Variants in ANTKMT observed in about 807,000 individuals in gnomAD.
The protein encoded by ANTKMT is adenine nucleotide translocase lysine methyltransferase, also known as adenine nucleotide translocase lysine N-methyltransferase.
Under a neutral mutation model 20.7 loss-of-function variants are expected in ANTKMT, and 24 were observed. That is an observed-to-expected ratio of 1.16 (90% CI 0.84 to 1.63). ANTKMT has a LOEUF of 1.63. Among genes scored for constraint, ANTKMT ranks in the 40% most tolerant of loss-of-function variants. The pLI is 0.00. For synonymous variants in ANTKMT, 193 were observed against 161.2 expected (o/e 1.20, Z -1.49); for missense variants, 428 against 334.8 (o/e 1.28, Z -2.17).
chr16:721,328 G>A lies in ANTKMT; in HGVS notation c.54G>A (p.Leu18=), dbSNP rs1350240260. ...EALTELRERR[L]GALELLQAAA... is the part of the protein sequence containing the mutation. ...TGACGGAGCTGCGCGAGCGGCGGCT[G>A]GGCGCGCTGGAGCTGCTGCAGGCGG... The change falls in exon 1 of 5, where the codon CTG becomes CTA. Residue 18 remains leucine, a synonymous_variant. Coordinates refer to ENST00000569529, the MANE Select transcript of ANTKMT (RefSeq NM_023933.3). 1.5e-6 allele frequency: 2 copies of A among 1,351,290 alleles called. No homozygotes were observed. The highest frequency in any genetic ancestry group is 3.2e-5 in the East Asian group (1 of 31,070). The allele number at this position is 1,351,290 out of a possible 1,614,324, so 83.7% of individuals were successfully genotyped here. A position where few individuals can be genotyped will look rare whatever the true frequency, so the allele number is the denominator to read the frequency against.
In ANTKMT at chr16:721,445, CG is replaced by C; in HGVS notation, c.162+13del. ...TGCCGCTGCGGCTGCAGGTGCGGGGCGGGGCCAGGCCGGGCAGGGGAGCTCG... is the reference window on the plus strand; with the variant it reads ...TGCCGCTGCGGCTGCAGGTGCGGGGCGGGCCAGGCCGGGCAGGGGAGCTCG... On this transcript the variant is annotated intron_variant, in intron 1 of 4. Transcript: ENST00000569529. 7.6e-7 allele frequency: 1 copy of C among 1,321,052 alleles called. No homozygotes were observed. The highest frequency in any genetic ancestry group is 9.6e-7 in the Non-Finnish European group (1 of 1,042,384). 81.8% of individuals were successfully genotyped at this position (1,321,052 alleles called of 1,614,324 possible).
chr16:721,398 C>G lies in ANTKMT; in HGVS notation c.124C>G (p.Leu42Val). The change falls in exon 1 of 5, where the codon CTC becomes GTC. Residue 42 changes from leucine (L) to valine (V), a missense_variant. Transcript: ENST00000569529. ...LAAYAVWALL[L>V]QPGFRRVPLR... ...AGCCTACGCGGTGTGGGCGCTGCTGCTCCAGCCCGGCTTCCGGCGCGTGCC... is the reference window on the plus strand; with the variant it reads ...AGCCTACGCGGTGTGGGCGCTGCTGGTCCAGCCCGGCTTCCGGCGCGTGCC... 3.1e-6 allele frequency: 4 copies of G among 1,298,826 alleles called. No individual in the cohort carries two copies. Among genetic ancestry groups the G allele is most frequent in the Non-Finnish European group, 3.9e-6 (4 of 1,030,066 alleles). The allele number at this position is 1,298,826 out of a possible 1,614,324, so 80.5% of individuals were successfully genotyped here.
At position 721,237 on chromosome 16, in the gene ANTKMT, GA is replaced by G; in HGVS notation, c.-36del. On this transcript the variant is annotated 5_prime_UTR_variant, in exon 1 of 5. Coordinates refer to ENST00000569529, the MANE Select transcript of ANTKMT (RefSeq NM_023933.3). ...TGCGAGGGCCGCGGACCCGAGCCGGGAAGGACCTTGGGCGGACGAGCCGCGC... is the reference window on the plus strand; with the variant it reads ...TGCGAGGGCCGCGGACCCGAGCCGGGAGGACCTTGGGCGGACGAGCCGCGC... 1 of 1,236,234 alleles carries G rather than the reference GA, an allele frequency of 8.1e-7. No homozygotes were observed. The highest frequency in any genetic ancestry group is 3.0e-5 in the South Asian group (1 of 33,226). The allele number at this position is 1,236,234 out of a possible 1,614,324, so 76.6% of individuals were successfully genotyped here. A position where few individuals can be genotyped will look rare whatever the true frequency, so the allele number is the denominator to read the frequency against.
rs1313022503 is a variant in ANTKMT, at chr16:722,462, G to T, written c.613G>T (p.Ala205Ser). Residue 205 changes from alanine to serine, a missense_variant, in exon 5 of 5, where the codon GCT (alanine) becomes TCT (serine). Coordinates refer to ENST00000569529, the MANE Select transcript of ANTKMT (RefSeq NM_023933.3). ...WAYDVPEGGQ[A>S]GEAASSRIPI... The stretch of plus-strand genomic sequence containing the variant: ...TTATGATGTTCCTGAGGGTGGGCAG[G>T]CTGGGGAGGCCGCCTCCTCGCGGAT... 1.2e-6 allele frequency: 2 copies of T among 1,611,680 alleles called. No homozygotes were observed. The highest frequency in any genetic ancestry group is 1.7e-6 in the Non-Finnish European group (2 of 1,179,578).
In ANTKMT at chr16:721,376, C is replaced by T. The variant is rs2040222551; in HGVS notation, c.102C>T (p.Ala34=). 6 of 1,323,564 alleles carry T rather than the reference C, an allele frequency of 4.5e-6. No individual in the cohort carries two copies. The highest frequency in any genetic ancestry group is 2.0e-5 in the South Asian group (1 of 50,468). The allele number at this position is 1,323,564 out of a possible 1,614,324, so 82.0% of individuals were successfully genotyped here. The part of the protein sequence containing the change: ...LQAAAGSGLA[A]YAVWALLLQP... Reference sequence around the variant, plus strand: ...CGGCGGCCGGCTCGGGCTTGGCAGCCTACGCGGTGTGGGCGCTGCTGCTCC... The same window carrying T: ...CGGCGGCCGGCTCGGGCTTGGCAGCTTACGCGGTGTGGGCGCTGCTGCTCC... The change falls in exon 1 of 5, where the codon GCC becomes GCT. Residue 34 remains alanine, a synonymous_variant. Coordinates refer to ENST00000569529, the MANE Select transcript of ANTKMT (RefSeq NM_023933.3).
In ANTKMT at chr16:721,429, G is replaced by A. The variant is rs2040224242; in HGVS notation, c.155G>A (p.Arg52Gln). The change falls in exon 1 of 5, where the codon CGG (arginine) becomes CAG (glutamine). Residue 52 changes from arginine (R) to glutamine (Q), a missense_variant. Coordinates refer to ENST00000569529, the MANE Select transcript of ANTKMT (RefSeq NM_023933.3). ...LQPGFRRVPL[R>Q]LQVPYVGASA... ...CCCGGCTTCCGGCGCGTGCCGCTGC[G>A]GCTGCAGGTGCGGGGCGGGGCCAGG... The A allele has an allele frequency of 7.7e-6, 10 of 1,299,578 alleles. No individual in the cohort carries two copies. In the South Asian group the frequency reaches 1.7e-4, roughly 22 times the overall value. 80.5% of individuals were successfully genotyped at this position (1,299,578 alleles called of 1,614,324 possible).
chr16:721,168 TC>T lies in ANTKMT; in HGVS notation c.-104del. On this transcript the variant is annotated 5_prime_UTR_variant, in exon 1 of 5. Coordinates refer to ENST00000569529, the MANE Select transcript of ANTKMT (RefSeq NM_023933.3). ...GCCACTTCCGGTGTCGCGCGGCGGC[TC>T]CCGGCAGGAGGCAGAGGGCACACCG... 1 of 1,122,562 alleles carries T rather than the reference TC, an allele frequency of 8.9e-7. No homozygotes were observed. The highest frequency in any genetic ancestry group is 1.1e-6 in the Non-Finnish European group (1 of 899,156). 69.5% of individuals were successfully genotyped at this position (1,122,562 alleles called of 1,614,324 possible).
rs1041237575 is a variant in ANTKMT, at chr16:722,312, C to T, written c.463C>T (p.Pro155Ser). Residue 155 changes from proline (P) to serine (S), a missense_variant, in exon 5 of 5, where the codon CCG becomes TCG. By Grantham distance (74) the Pro-to-Ser change is moderately conservative. Coordinates refer to ENST00000569529, the MANE Select transcript of ANTKMT (RefSeq NM_023933.3). Reference sequence around the variant, plus strand: ...ACTCTGCTGTTCTCTCCCTCAGCTCCCGCTGCTGGAGGACAAGCTGCGGAC... The same window carrying T: ...ACTCTGCTGTTCTCTCCCTCAGCTCTCGCTGCTGGAGGACAAGCTGCGGAC... ...VSVFLAPSVLPLLEDKLRTEL... is the reference protein window; with the variant it reads ...VSVFLAPSVLSLLEDKLRTEL... The T allele has an allele frequency of 1.1e-5, 17 of 1,608,222 alleles. No homozygotes were observed. In the Admixed American group the frequency reaches 1.2e-4, roughly 11 times the overall value.
At position 722,294 on chromosome 16, in the gene ANTKMT, T is replaced by G; in HGVS notation, c.460-15T>G. On this transcript the variant is annotated splice_polypyrimidine_tract_variant and intron_variant, in intron 4 of 4. Transcript: ENST00000569529. ...CCCGCCCCCGCCCCCTCTACTCTGC[T>G]GTTCTCTCCCTCAGCTCCCGCTGCT... 1 of 1,602,190 alleles carries G rather than the reference T, an allele frequency of 6.2e-7. No individual in the cohort carries two copies. Among genetic ancestry groups the G allele is most frequent in the South Asian group, 1.1e-5 (1 of 89,954 alleles).
chr16:721,998 G>A (rs1220167036), intron 3 of ANTKMT, 57 bp downstream of exon 3: 6 of 1,551,460 alleles, frequency 3.9e-6, no homozygotes, highest in African/African-American at 1.4e-5. Flanking sequence ...TGACACCTGC[G>A]AGGGCTGGGG....
chr16:721,215 G>T lies in ANTKMT; in HGVS notation c.-60G>T. On this transcript the variant is annotated 5_prime_UTR_variant, in exon 1 of 5. Transcript: ENST00000569529. ...CACCGCCAGCCCCAGGCCAGGCTGC[G>T]AGGGCCGCGGACCCGAGCCGGGAAG... is the stretch of plus-strand genomic sequence containing the variant. The T allele has an allele frequency of 8.2e-7, 1 of 1,212,722 alleles. No homozygotes were observed. Among genetic ancestry groups the T allele is most frequent in the Non-Finnish European group, 1.0e-6 (1 of 974,716 alleles). 75.1% of individuals were successfully genotyped at this position (1,212,722 alleles called of 1,614,324 possible).
Position 722,349 on chromosome 16 carries a change from C to T in ANTKMT, c.500C>T (p.Ala167Val). The part of the protein sequence containing the change: ...LEDKLRTELP[A>V]GARVVSGRFP... ...GACAAGCTGCGGACAGAGCTGCCTGCTGGGGCCCGCGTGGTGTCTGGGCGC... is the reference window on the plus strand; with the variant it reads ...GACAAGCTGCGGACAGAGCTGCCTGTTGGGGCCCGCGTGGTGTCTGGGCGC... The change falls in exon 5 of 5, where the codon GCT becomes GTT. Residue 167 changes from alanine (A) to valine (V), a missense_variant. Physicochemically the swap from Ala to Val is moderately conservative, Grantham distance 64. Transcript: ENST00000569529. 1 of 1,607,688 alleles carries T rather than the reference C, an allele frequency of 6.2e-7. No homozygotes were observed. The highest frequency in any genetic ancestry group is 8.5e-7 in the Non-Finnish European group (1 of 1,177,782).
At position 721,441 on chromosome 16, in the gene ANTKMT, G is replaced by A. The variant is rs565015923; in HGVS notation, c.162+5G>A. The A allele has an allele frequency of 1.5e-3, 2,000 of 1,307,414 alleles. 5 individuals carry two copies. The highest frequency in any genetic ancestry group is 1.7e-3 in the Non-Finnish European group (1,779 of 1,034,866). 81.0% of individuals were successfully genotyped at this position (1,307,414 alleles called of 1,614,324 possible). A position where few individuals can be genotyped will look rare whatever the true frequency, so the allele number is the denominator to read the frequency against. On this transcript the variant is annotated splice_donor_5th_base_variant and intron_variant, in intron 1 of 4. Coordinates refer to ENST00000569529, the MANE Select transcript of ANTKMT (RefSeq NM_023933.3). ...CGCGTGCCGCTGCGGCTGCAGGTGC[G>A]GGGCGGGGCCAGGCCGGGCAGGGGA...
Position 721,366 on chromosome 16 carries a change from G to A in ANTKMT, c.92G>A (p.Gly31Asp). The A allele has an allele frequency of 7.5e-7, 1 of 1,333,434 alleles. No individual in the cohort carries two copies. The highest frequency in any genetic ancestry group is 1.9e-5 in the South Asian group (1 of 52,930). The allele number at this position is 1,333,434 out of a possible 1,614,324, so 82.6% of individuals were successfully genotyped here. ...CTGCTGCAGGCGGCGGCCGGCTCGG[G>A]CTTGGCAGCCTACGCGGTGTGGGCG... ...LELLQAAAGS[G>D]LAAYAVWALL... Residue 31 changes from glycine to aspartate, a missense_variant, in exon 1 of 5, where the codon GGC becomes GAC. By Grantham distance (94) the Gly-to-Asp change is moderately conservative. Transcript: ENST00000569529.
chr16:722,267 GC>G, intron 4 of ANTKMT, 41 bp from the exon 5 acceptor site: 2 of 1,591,798 alleles, frequency 1.3e-6, no homozygotes, highest in Admixed American at 1.7e-5. Flanking sequence ...TTTTCTACCG[GC>G]CCCGCCCCCG....
In ANTKMT at chr16:722,369, G is replaced by C. The variant is rs763324614; in HGVS notation, c.520G>C (p.Gly174Arg). ...ELPAGARVVS[G>R]RFPLPTWQPV... Reference sequence around the variant, plus strand: ...GCCTGCTGGGGCCCGCGTGGTGTCTGGGCGCTTCCCACTCCCCACCTGGCA... The same window carrying C: ...GCCTGCTGGGGCCCGCGTGGTGTCTCGGCGCTTCCCACTCCCCACCTGGCA... Residue 174 changes from glycine (G) to arginine (R), a missense_variant, in exon 5 of 5, where the codon GGG becomes CGG. By Grantham distance (125) the Gly-to-Arg change is moderately radical (BLOSUM62 -2). Coordinates refer to ENST00000569529, the MANE Select transcript of ANTKMT (RefSeq NM_023933.3). 2.5e-6 allele frequency: 4 copies of C among 1,604,506 alleles called. No individual in the cohort carries two copies. The highest frequency in any genetic ancestry group is 2.6e-6 in the Non-Finnish European group (3 of 1,176,168).
At position 721,667 on chromosome 16, in the gene ANTKMT, A is replaced by G; in HGVS notation, c.232A>G (p.Lys78Glu). Residue 78 changes from lysine to glutamate, a missense_variant, in exon 2 of 5, where the codon AAA (lysine) becomes GAA (glutamate). Physicochemically the swap from Lys to Glu is moderately conservative, Grantham distance 56. Transcript: ENST00000569529. ...GTCGCTGCTGCGAGGACGCCCCGGA[A>G]AAACGGTGGATCTGGGCTCTGGCGA... The part of the protein sequence containing the change: ...VLSLLRGRPG[K>E]TVDLGSGDGR... 3 of 1,550,998 alleles carry G rather than the reference A, an allele frequency of 1.9e-6. No individual in the cohort carries two copies. The highest frequency in any genetic ancestry group is 2.6e-6 in the Non-Finnish European group (3 of 1,148,096).
In ANTKMT at chr16:721,290, C is replaced by T; in HGVS notation, c.16C>T (p.Pro6Ser). 1 of 1,333,618 alleles carries T rather than the reference C, an allele frequency of 7.5e-7. No homozygotes were observed. Among genetic ancestry groups the T allele is most frequent in the Non-Finnish European group, 9.6e-7 (1 of 1,043,534 alleles). 82.6% of individuals were successfully genotyped at this position (1,333,618 alleles called of 1,614,324 possible). The change falls in exon 1 of 5, where the codon CCG (proline) becomes TCG (serine). Residue 6 changes from proline to serine, a missense_variant. Coordinates refer to ENST00000569529, the MANE Select transcript of ANTKMT (RefSeq NM_023933.3). ...TCCCGCAGCCATGGAGCAGGACGAC[C>T]CGGTCGAGGCGCTGACGGAGCTGCG... MEQDD[P>S]VEALTELRER...
In ANTKMT at chr16:722,127, C is replaced by A; in HGVS notation, c.452C>A (p.Pro151His). ...CGCAACGTGTCTGTGTTCCTGGCCCCTAGCGTGGTAGGTGCGGGGTTGCCA... is the reference window on the plus strand; with the variant it reads ...CGCAACGTGTCTGTGTTCCTGGCCCATAGCGTGGTAGGTGCGGGGTTGCCA... ...DCRNVSVFLA[P>H]SVLPLLEDKL... Residue 151 changes from proline (P) to histidine (H), a missense_variant, in exon 4 of 5, where the codon CCT becomes CAT. Transcript: ENST00000569529. 4 of 1,608,900 alleles carry A rather than the reference C, an allele frequency of 2.5e-6. No homozygotes were observed. The highest frequency in any genetic ancestry group is 3.4e-6 in the Non-Finnish European group (4 of 1,178,956).
Sources: allele counts gnomAD v4.1 joint callset, GRCh38; gene constraint gnomAD v4.1.1; transcripts MANE v1.5; gene names NCBI Gene and HGNC (gene_info 2026-07-23, HGNC 2026-07-21).